Variants in CORO6 observed in about 807,000 individuals in gnomAD.
The protein encoded by CORO6 is coronin 6, also known as coronin-6.
A neutral mutation model predicts 49.0 loss-of-function variants in CORO6; 43 were observed. That is an observed-to-expected ratio of 0.88 (90% confidence interval 0.69 to 1.13). CORO6 has a LOEUF of 1.13. Ranked by LOEUF, CORO6 falls within the 50% of genes most tolerant of loss-of-function variation. The probability of loss-of-function intolerance (pLI) is 0.00; values close to 1 mark genes in which losing one functional copy is unlikely to be tolerated. For missense variants in CORO6, 650 were observed against 647.0 expected (o/e 1.00, Z -0.05); for synonymous variants, 233 against 256.5 (o/e 0.91, Z 0.88).
rs1402458213 is a variant in CORO6, at chr17:29,616,538, T to C, written c.1004+164A>G. Among the ~76,000 whole-genome samples, 3 of 152,202 alleles carry C rather than the reference T, an allele frequency of 2.0e-5. No individual in the cohort carries two copies. The highest frequency in any genetic ancestry group is 4.1e-4 in the South Asian group (2 of 4,832). On this transcript the variant is annotated intron_variant, in intron 8 of 10. Coordinates refer to ENST00000388767, the MANE Select transcript of CORO6 (RefSeq NM_032854.4). The surrounding 1 kb of genome is among the most constrained non-coding windows in gnomAD (Gnocchi z 5.6). Reference sequence around the variant, plus strand: ...TAGATGAGGAAACTGAAGTTGAGAATGTAAGGCTAGTGAGCGGTGGGTCTG... The same window carrying C: ...TAGATGAGGAAACTGAAGTTGAGAACGTAAGGCTAGTGAGCGGTGGGTCTG...
At chr17:29,618,669 T>A in intron 5 of CORO6, 121 bp downstream of exon 5, 1 of 1,447,376 alleles carries the variant, frequency 6.9e-7, no homozygotes, top group Non-Finnish European at 9.1e-7. Context: ...GGCTAGTCTC[T>A]GGAGCAGGGA....
Position 29,617,506 on chromosome 17 carries a change from C to A in CORO6, c.747G>T (p.Trp249Cys). 1 of 1,608,934 alleles carries A rather than the reference C, an allele frequency of 6.2e-7. No individual in the cohort carries two copies. Among genetic ancestry groups the A allele is most frequent in the South Asian group, 1.1e-5 (1 of 90,938 alleles). Residue 249 changes from tryptophan (W) to cysteine (C), a missense_variant, in exon 6 of 11, where the codon TGG (tryptophan) becomes TGT (cysteine). Trp to Cys is a radical substitution (Grantham distance 215). Transcript: ENST00000388767. ...TRMSQRELGLWDPNNFEEPVA... is the reference protein window; with the variant it reads ...TRMSQRELGLCDPNNFEEPVA... ...AAGCCTCCAGCTGCGTTACCGGGTC[C>A]CACAGGCCCAGCTCTCGCTGGCTCA...
In CORO6 at chr17:29,616,390, C is replaced by A; in HGVS notation, c.1005-54G>T. On this transcript the variant is annotated intron_variant, in intron 8 of 10. Coordinates refer to ENST00000388767, the MANE Select transcript of CORO6 (RefSeq NM_032854.4). This position sits in a 1 kb window ranked among gnomAD's most constrained non-coding sequence, Gnocchi z 5.6. The stretch of plus-strand genomic sequence containing the variant: ...GCAGACTTCCACGTCCTTAACTTCT[C>A]CTGTCTAAGACCAAGGGGGTTGGAG... 1 of 1,541,720 alleles carries A rather than the reference C, an allele frequency of 6.5e-7. No individual in the cohort carries two copies.
rs1175470466 is a variant in CORO6 at position 29,622,699 on chromosome 17, C to A, written c.-75G>T. On this transcript the variant is annotated 5_prime_UTR_variant, in exon 1 of 11. Transcript: ENST00000388767. ...GGGGGGCTGGGTACCTGGTCCTGAG[C>A]GGGCTGCGGGGCGCTCACGCTGCGA... The A allele has an allele frequency of 1.6e-6, 2 of 1,267,380 alleles. No homozygotes were observed. Among genetic ancestry groups the A allele is most frequent in the Non-Finnish European group, 1.0e-6 (1 of 972,668 alleles). The allele number at this position is 1,267,380 out of a possible 1,614,324, so 78.5% of individuals were successfully genotyped here.
At position 29,617,038 on chromosome 17, in the gene CORO6, T is replaced by C. The variant is rs2034990653; in HGVS notation, c.758A>G (p.Asn253Ser). The C allele has an allele frequency of 6.2e-7, 1 of 1,613,470 alleles. No homozygotes were observed. Among genetic ancestry groups the C allele is most frequent in the Admixed American group, 1.7e-5 (1 of 60,020 alleles). The change falls in exon 7 of 11, where the codon AAC (asparagine) becomes AGC (serine). Residue 253 changes from asparagine (N) to serine (S), a missense_variant. By Grantham distance (46) the Asn-to-Ser change is conservative. Transcript: ENST00000388767. ...CTGCAGTGCCACTGGCTCCTCGAAG[T>C]TGTTCTGCCCGAGCACAGGAGGCGT... ...QRELGLWDPN[N>S]FEEPVALQEM...
intron 5 of CORO6, chr17:29,618,084 G>C (rs1028650406): frequency 6.7e-7 from 1 of 1,498,410 alleles, no homozygotes; most frequent in African/African-American, 1.4e-5. Flanking sequence ...CACTCATCCT[G>C]CTGAAGCCGG....
chr17:29,617,413 G>A lies in CORO6; in HGVS notation c.753+87C>T, dbSNP rs1393920798. 3 of 1,550,340 alleles carry A rather than the reference G, an allele frequency of 1.9e-6. No homozygotes were observed. In the African/African-American group the frequency reaches 4.1e-5, roughly 21 times the overall value. ...AGCAGCCTTCAGTCCTGTCCAGGTG[G>A]GCATGCCCTGCGGGTGGGGGGCGCC... On this transcript the variant is annotated intron_variant, in intron 6 of 10. Coordinates refer to ENST00000388767, the MANE Select transcript of CORO6 (RefSeq NM_032854.4).
In CORO6 at chr17:29,617,051, G is replaced by A. The variant is rs766492308; in HGVS notation, c.754-9C>T. ...GGCTCCTCGAAGTTGTTCTGCCCGA[G>A]CACAGGAGGCGTGACCAGCCCTGCC... On this transcript the variant is annotated splice_polypyrimidine_tract_variant and intron_variant, in intron 6 of 10. Transcript: ENST00000388767. The A allele has an allele frequency of 6.2e-7, 1 of 1,612,714 alleles. No homozygotes were observed. Among genetic ancestry groups the A allele is most frequent in the Admixed American group, 1.7e-5 (1 of 60,024 alleles).
At position 29,615,558 on chromosome 17, in the gene CORO6, C is replaced by T; in HGVS notation, c.*174G>A. The T allele has an allele frequency of 3.0e-6, 2 of 659,542 alleles. No homozygotes were observed. The highest frequency in any genetic ancestry group is 4.8e-6 in the Non-Finnish European group (2 of 416,896). The allele number at this position is 659,542 out of a possible 1,614,324, so 40.9% of individuals were successfully genotyped here. A position where few individuals can be genotyped will look rare whatever the true frequency, so the allele number is the denominator to read the frequency against. ...CGCAGTCCAGCCTCCGCTGGAGCGACGTGGGTCTCCCCTAAGCTCCAAGAG... is the reference window on the plus strand; with the variant it reads ...CGCAGTCCAGCCTCCGCTGGAGCGATGTGGGTCTCCCCTAAGCTCCAAGAG... On this transcript the variant is annotated 3_prime_UTR_variant, in exon 11 of 11. Coordinates refer to ENST00000388767, the MANE Select transcript of CORO6 (RefSeq NM_032854.4).
Position 29,616,279 on chromosome 17 carries a change from C to G in CORO6, c.1062G>C (p.Lys354Asn), listed in dbSNP as rs748839216. Residue 354 changes from lysine to asparagine, a missense_variant and splice_region_variant, in exon 9 of 11, where the codon AAG (lysine) becomes AAC (asparagine). Transcript: ENST00000388767. This position sits in a 1 kb window ranked among gnomAD's most constrained non-coding sequence, Gnocchi z 5.6. ...CCCAACCCTTCTCCCGGCCCCTCAC[C>G]TTGCGGGGCACAGTCATGATGATAG... ...CEPIIMTVPR[K>N]SDLFQDDLYP... 1 of 1,611,448 alleles carries G rather than the reference C, an allele frequency of 6.2e-7. No individual in the cohort carries two copies. The highest frequency in any genetic ancestry group is 8.5e-7 in the Non-Finnish European group (1 of 1,178,790).
chr17:29,615,747 C>T lies in CORO6; in HGVS notation c.1404G>A (p.Val468=). ...TALENMLCEL[V]DGTD is the part of the protein sequence containing the mutation. ...GCGCGCGGGGCTAGTCCGTGCCGTC[C>T]ACCAGCTCGCACAGCATGTTCTCCA... The change falls in exon 11 of 11, where the codon GTG becomes GTA. Residue 468 remains valine (V), a synonymous_variant. Transcript: ENST00000388767. 6.5e-7 allele frequency: 1 copy of T among 1,547,016 alleles called. No individual in the cohort carries two copies.
chr17:29,619,289 G>C, intron 3 of CORO6, 100 bp from the exon 4 acceptor site: 1 of 1,415,278 alleles, frequency 7.1e-7, no homozygotes, highest in South Asian at 1.2e-5. Context: ...GCTCTCTTGA[G>C]TGGTAAGGGT....
At chr17:29,617,341 C>A (rs1482354273) in intron 6 of CORO6, 159 bp downstream of exon 6, 76 of 1,540,466 alleles carry the variant, frequency 4.9e-5, no homozygotes, top group Non-Finnish European at 6.2e-5. Flanking sequence ...CGCAGCAAAA[C>A]TGGGCAGAGG....
chr17:29,616,204 G>C lies in CORO6; in HGVS notation c.1063-29C>G. 2.5e-6 allele frequency: 4 copies of C among 1,610,484 alleles called. No individual in the cohort carries two copies. Among genetic ancestry groups the C allele is most frequent in the Non-Finnish European group, 2.5e-6 (3 of 1,177,652 alleles). On this transcript the variant is annotated intron_variant, in intron 9 of 10. Coordinates refer to ENST00000388767, the MANE Select transcript of CORO6 (RefSeq NM_032854.4). The surrounding 1 kb of genome is among the most constrained non-coding windows in gnomAD (Gnocchi z 5.6). ...CGGGGGTGGGTGGACAGGAGGACTT[G>C]CGTGAGAGGGTGCGGGGCTTGCTCC...
intron 1 of CORO6, chr17:29,622,069 C>CG (rs2035334695): frequency 6.5e-6 from 1 of 154,716 alleles, no homozygotes. Context: ...TGTGGGGGGA[C>CG]GGGTGGCAGC....
chr17:29,615,657 G>A lies in CORO6; in HGVS notation c.*75C>T. The A allele has an allele frequency of 7.1e-7, 1 of 1,403,884 alleles. No homozygotes were observed. The allele number at this position is 1,403,884 out of a possible 1,614,324, so 87.0% of individuals were successfully genotyped here. On this transcript the variant is annotated 3_prime_UTR_variant, in exon 11 of 11. Coordinates refer to ENST00000388767, the MANE Select transcript of CORO6 (RefSeq NM_032854.4). Reference sequence around the variant, plus strand: ...GGCCCAGCCCAAGAAGGCGGGGTCCGGAGTTCGGGACTAAAAGCCGGGGCG... The same window carrying A: ...GGCCCAGCCCAAGAAGGCGGGGTCCAGAGTTCGGGACTAAAAGCCGGGGCG...
chr17:29,621,387 C>T lies in CORO6; in HGVS notation c.35G>A (p.Arg12His), dbSNP rs1315848198. 1.9e-6 allele frequency: 3 copies of T among 1,613,538 alleles called. No individual in the cohort carries two copies. The highest frequency in any genetic ancestry group is 2.5e-6 in the Non-Finnish European group (3 of 1,179,758). ...CTTTGCTGCCTGCCCAAACACATGG[C>T]GGAACTTGCTTTGCCGAACCACACG... ...SRRVVRQSKF[R>H]HVFGQAAKAD... Residue 12 changes from arginine to histidine, a missense_variant, in exon 2 of 11, where the codon CGC becomes CAC. Arg to His is a conservative substitution (Grantham distance 29). Transcript: ENST00000388767. The surrounding 1 kb of genome is among the most constrained non-coding windows in gnomAD (Gnocchi z 4.2).
At chr17:29,618,450 G>A (rs1259466123) in intron 5 of CORO6, 2 of 1,276,412 alleles carry the variant, frequency 1.6e-6, no homozygotes, top group Non-Finnish European at 2.0e-6. Context: ...TGCCGGCTGA[G>A]AGGAGAGGGG....
rs898600364 is a variant in CORO6, at chr17:29,615,888, A to T, written c.1294-31T>A. On this transcript the variant is annotated intron_variant, in intron 10 of 10. Coordinates refer to ENST00000388767, the MANE Select transcript of CORO6 (RefSeq NM_032854.4). The stretch of plus-strand genomic sequence containing the variant: ...GCGGAGGACAGAGAGGCCGTGTCGT[A>T]TAGGGGCGGTTGGGGGAGATGTAGA... The T allele has an allele frequency of 1.2e-5, 19 of 1,584,986 alleles. No individual in the cohort carries two copies. In the African/African-American group the frequency reaches 2.2e-4, roughly 18 times the overall value.
Sources: allele counts gnomAD v4.1 joint callset (sites outside exome capture counted in the v4.1 genomes callset), GRCh38; gene constraint gnomAD v4.1.1; non-coding constraint Gnocchi (gnomAD v3.1); transcripts MANE v1.5; gene names NCBI Gene and HGNC (gene_info 2026-07-23, HGNC 2026-07-21).